Variants in CHRNA7 observed in about 807,000 individuals in gnomAD.
CHRNA7 encodes neuronal acetylcholine receptor subunit alpha-7.
Under a neutral mutation model 48.0 loss-of-function variants are expected in CHRNA7, and 17 were observed. That is an observed-to-expected ratio of 0.35 (90% CI 0.24 to 0.53). CHRNA7 has a LOEUF of 0.53. Ranked by LOEUF, CHRNA7 falls within the 20% of genes least tolerant of loss-of-function variation. The pLI, the probability that CHRNA7 is intolerant of heterozygous loss-of-function variation, is 0.92. For synonymous variants in CHRNA7, 75 were observed against 242.3 expected (o/e 0.31, Z 6.41); for missense variants, 155 against 577.7 (o/e 0.27, Z 7.50).
intron 4 of CHRNA7, chr15:32,112,472 C>T (rs764032329): frequency 1.8e-5 from 7 of 399,586 alleles, no homozygotes; most frequent in East Asian, 7.3e-5. Flanking sequence ...AGGGACACGT[C>T]GGTAAACCAA....
intron 4 of CHRNA7, among the ~76,000 whole-genome samples, chr15:32,115,093 C>G (rs1259627413): frequency 6.6e-6 from 1 of 152,220 alleles, no homozygotes; most frequent in African/African-American, 2.4e-5. Context: ...GCGTGAGGGT[C>G]CCGCAACAGC....
At chr15:32,038,727 C>T (rs2049395758) in intron 2 of CHRNA7, among the ~76,000 whole-genome samples, 1 of 152,152 alleles carries the variant, frequency 6.6e-6, no homozygotes, top group Non-Finnish European at 1.5e-5. Flanking sequence ...TTGTGGTTAT[C>T]TTTTCTTAGA....
chr15:32,137,040 AAAAAAAG>A (rs1201435787), intron 4 of CHRNA7, among the ~76,000 whole-genome samples: 2 of 146,648 alleles, frequency 1.4e-5, no homozygotes, highest in Admixed American at 6.7e-5. Context: ...TCAAAAAAAA[AAAAAAAG>A]AAAAAAAAAA....
At chr15:32,119,587 C>G (rs148582731) in intron 4 of CHRNA7, among the ~76,000 whole-genome samples, 22 of 152,184 alleles carry the variant, frequency 1.4e-4, no homozygotes, top group African/African-American at 5.3e-4. Flanking sequence ...GGCCCTGATA[C>G]CTTTGACAGA....
chr15:32,075,951 A>G (rs2050130790), intron 2 of CHRNA7, among the ~76,000 whole-genome samples: 1 of 152,062 alleles, frequency 6.6e-6, no homozygotes, highest in South Asian at 2.1e-4. Flanking sequence ...TGACCTACAG[A>G]TTACTTAGAA....
chr15:32,047,396 A>G (rs1566800712), intron 2 of CHRNA7, among the ~76,000 whole-genome samples: 1 of 151,656 alleles, frequency 6.6e-6, no homozygotes, highest in Non-Finnish European at 1.5e-5. Flanking sequence ...CATCCCTTGT[A>G]AGGTGGATTC....
intron 2 of CHRNA7, among the ~76,000 whole-genome samples, chr15:32,069,240 A>G (rs1353966669): frequency 1.3e-5 from 2 of 152,358 alleles, no homozygotes; most frequent in African/African-American, 4.8e-5. Flanking sequence ...TATCCAGCAT[A>G]TGTTAAAGAA....
At chr15:32,056,333 C>T (rs1046342720) in intron 2 of CHRNA7, among the ~76,000 whole-genome samples, 1 of 152,020 alleles carries the variant, frequency 6.6e-6, no homozygotes, top group Non-Finnish European at 1.5e-5. Context: ...TTGTTTATAA[C>T]CCACCTAGAA....
intron 2 of CHRNA7, among the ~76,000 whole-genome samples, chr15:32,056,671 T>C (rs1224660549): frequency 2.6e-5 from 4 of 152,170 alleles, no homozygotes; most frequent in Non-Finnish European, 4.4e-5. Flanking sequence ...GGCCCCAGGT[T>C]TCCCATCACC....
chr15:32,069,589 G>T (rs1407272315), intron 2 of CHRNA7, among the ~76,000 whole-genome samples: 1 of 152,230 alleles, frequency 6.6e-6, no homozygotes, highest in Non-Finnish European at 1.5e-5. Context: ...CGAGGCTGCA[G>T]TGAGCTATGA....
At chr15:32,053,963 C>T (rs1484579932) in intron 2 of CHRNA7, among the ~76,000 whole-genome samples, 1 of 152,156 alleles carries the variant, frequency 6.6e-6, no homozygotes, top group East Asian at 1.9e-4. Context: ...GAGAGATTCT[C>T]AGCATGGGAA....
chr15:32,101,071 A>G (rs2050562327), intron 2 of CHRNA7: 1 of 455,338 alleles, frequency 2.2e-6, no homozygotes, highest in South Asian at 5.2e-5. Flanking sequence ...TTTCTTCTTT[A>G]TACTTTTCCA....
intron 4 of CHRNA7, among the ~76,000 whole-genome samples, chr15:32,113,843 C>T (rs1357737271): frequency 7.8e-6 from 1 of 128,162 alleles, no homozygotes; most frequent in African/African-American, 2.8e-5. Flanking sequence ...TGTACGAGAC[C>T]CCCATCTCTA....
chr15:32,134,858 G>A (rs2051222021), intron 4 of CHRNA7, among the ~76,000 whole-genome samples: 1 of 152,244 alleles, frequency 6.6e-6, no homozygotes, highest in South Asian at 2.1e-4. Context: ...GGCATAGAAT[G>A]TCAGATGAGA....
chr15:32,030,760 G>A lies in CHRNA7; in HGVS notation c.55+111G>A, dbSNP rs146369206. On this transcript the variant is annotated intron_variant, in intron 1 of 9. Coordinates refer to ENST00000306901, the MANE Select transcript of CHRNA7 (RefSeq NM_000746.6). ...AGGTTTGGGATCTCCCCGCCGCCGG[G>A]GAGGGGCAGCGGGGGCGCTGCGGGG... is the stretch of plus-strand genomic sequence containing the variant. The A allele has an allele frequency of 9.0e-4, 1,360 of 1,512,490 alleles. 15 individuals carry two copies. In the African/African-American group the frequency reaches 0.017, roughly 19 times the overall value. The allele number at this position is 1,512,490 out of a possible 1,614,324, so 93.7% of individuals were successfully genotyped here. A position where few individuals can be genotyped will look rare whatever the true frequency, so the allele number is the denominator to read the frequency against.
intron 2 of CHRNA7, among the ~76,000 whole-genome samples, chr15:32,073,204 C>T (rs941430718): frequency 3.3e-5 from 5 of 152,134 alleles, no homozygotes; most frequent in African/African-American, 7.2e-5. Flanking sequence ...ACCCAGGATG[C>T]GGGACATGGA....
chr15:32,090,675 G>A (rs928711347), intron 2 of CHRNA7, among the ~76,000 whole-genome samples: 1 of 149,910 alleles, frequency 6.7e-6, no homozygotes, highest in Non-Finnish European at 1.5e-5. Context: ...TTTTTCTGTT[G>A]TTATGAGAGT....
intron 4 of CHRNA7, among the ~76,000 whole-genome samples, chr15:32,125,785 G>A (rs550457240): frequency 6.6e-5 from 10 of 152,230 alleles, no homozygotes; most frequent in South Asian, 6.2e-4. Flanking sequence ...CTCAGGAATC[G>A]GTCATACATG....
chr15:32,033,132 G>A (rs779529351), intron 2 of CHRNA7, among the ~76,000 whole-genome samples: 8 of 152,168 alleles, frequency 5.3e-5, no homozygotes, highest in Admixed American at 1.3e-4. Flanking sequence ...CACCTTAGCC[G>A]TGGTATTGGC....
Sources: allele counts gnomAD v4.1 joint callset (sites outside exome capture counted in the v4.1 genomes callset), GRCh38; gene constraint gnomAD v4.1.1; transcripts MANE v1.5; gene names NCBI Gene and HGNC (gene_info 2026-07-23, HGNC 2026-07-21).